AUTS2: variants seen among roughly 807,000 people sequenced by gnomAD.
The protein encoded by AUTS2 is activator of transcription and developmental regulator AUTS2.
AUTS2 carries 17 observed loss-of-function variants against 112.4 expected under a neutral mutation model. That is an observed-to-expected ratio of 0.15 (90% CI 0.10 to 0.23). The LOEUF is 0.23. Ranked by LOEUF, AUTS2 falls within the 10% of genes least tolerant of loss-of-function variation. The pLI is 1.00. For missense variants in AUTS2, 1,510 were observed against 1,701.6 expected, an observed-to-expected ratio of 0.89 and a Z score of 1.98; for synonymous variants, 751 against 702.7, an observed-to-expected ratio of 1.07 and a Z score of -1.09.
At chr7:70,377,329 T>TATATAA (rs1793140157) in intron 4 of AUTS2, among the ~76,000 whole-genome samples, 1 of 21,188 alleles carries the variant, frequency 4.7e-5, no homozygotes, top group Non-Finnish European at 9.3e-5. Flanking sequence ...AATATAAATA[T>TATATAA]ATATATATAT....
intron 1 of AUTS2, among the ~76,000 whole-genome samples, chr7:69,650,011 A>G (rs1000164138): frequency 1.3e-5 from 2 of 152,174 alleles, no homozygotes; most frequent in African/African-American, 4.8e-5. Flanking sequence ...AGCCATCCAA[A>G]CTGGGCCAGT....
At chr7:69,978,943 C>T (rs1798181322) in intron 2 of AUTS2, among the ~76,000 whole-genome samples, 1 of 151,640 alleles carries the variant, frequency 6.6e-6, no homozygotes, top group African/African-American at 2.4e-5. Context: ...CATTACCAGT[C>T]TTCCTGGGAA....
intron 5 of AUTS2, among the ~76,000 whole-genome samples, chr7:70,617,749 T>C (rs1464755944): frequency 1.3e-5 from 2 of 152,140 alleles, no homozygotes; most frequent in Non-Finnish European, 2.9e-5. Flanking sequence ...AGTTAAATGA[T>C]TCACTTGTAA....
chr7:69,733,635 A>G (rs1164121157), intron 1 of AUTS2, among the ~76,000 whole-genome samples: 2 of 152,144 alleles, frequency 1.3e-5, no homozygotes, highest in East Asian at 1.9e-4. Flanking sequence ...ATTTTTTACA[A>G]TGCCTGTGAT....
chr7:69,735,180 A>C (rs563896465), intron 1 of AUTS2, among the ~76,000 whole-genome samples: 4 of 152,324 alleles, frequency 2.6e-5, no homozygotes, highest in South Asian at 2.1e-4. Flanking sequence ...ATGTAGGATA[A>C]TACTACTCCT....
intron 1 of AUTS2, among the ~76,000 whole-genome samples, chr7:69,651,452 G>A (rs1038336033): frequency 6.6e-6 from 1 of 152,194 alleles, no homozygotes; most frequent in African/African-American, 2.4e-5. Flanking sequence ...TTGAACTAGC[G>A]TGTTCTGGGG....
chr7:70,164,728 C>A (rs935725335), intron 4 of AUTS2, among the ~76,000 whole-genome samples: 1 of 152,076 alleles, frequency 6.6e-6, no homozygotes, highest in African/African-American at 2.4e-5. Flanking sequence ...TCAGTCCCCC[C>A]ATGCTAACAG....
At chr7:69,841,160 GGTGTATTAGGCTGTTCTT>G (rs1309903214) in intron 1 of AUTS2, among the ~76,000 whole-genome samples, 1 of 152,134 alleles carries the variant, frequency 6.6e-6, no homozygotes, top group African/African-American at 2.4e-5. Flanking sequence ...AATCTAACCA[GGTGTATTAGGCTGTTCTT>G]GCATGGCTAT....
At chr7:70,216,702 G>C (rs780901111) in intron 4 of AUTS2, among the ~76,000 whole-genome samples, 3 of 152,128 alleles carry the variant, frequency 2.0e-5, no homozygotes, top group Non-Finnish European at 4.4e-5. Flanking sequence ...ACTGGCTTCC[G>C]GAGTCCTCCC....
rs559785637 is a variant in AUTS2, at chr7:70,525,930, A to G, written c.690+90149A>G. On this transcript the variant is annotated intron_variant, in intron 5 of 18. Transcript: ENST00000342771. ...CCCTGGCCGCTGCTCACAGCAGCTC[A>G]TCTTCTGGCGGGAGAGGGTTAGCTC... Among the ~76,000 whole-genome samples, 4 of 152,366 alleles carry G rather than the reference A, an allele frequency of 2.6e-5. No individual in the cohort carries two copies. In the South Asian group the frequency reaches 8.3e-4, roughly 32 times the overall value.
chr7:69,773,138 G>A lies in AUTS2; in HGVS notation c.310-126148G>A, dbSNP rs530112059. 2.0e-5 allele frequency among the ~76,000 whole-genome samples: 3 copies of A among 152,244 alleles called. No individual in the cohort carries two copies. In the South Asian group the frequency reaches 6.2e-4, roughly 32 times the overall value. ...CCGACCTAGTATTTATGAGCTATGTGACCTTGGGAAGTTCATGTAAATGCA... is the reference window on the plus strand; with the variant it reads ...CCGACCTAGTATTTATGAGCTATGTAACCTTGGGAAGTTCATGTAAATGCA... On this transcript the variant is annotated intron_variant, in intron 1 of 18. Coordinates refer to ENST00000342771, the MANE Select transcript of AUTS2 (RefSeq NM_015570.4).
At chr7:70,601,221 T>C (rs1037013627) in intron 5 of AUTS2, among the ~76,000 whole-genome samples, 5 of 152,242 alleles carry the variant, frequency 3.3e-5, no homozygotes, top group Admixed American at 6.5e-5. Flanking sequence ...TTCTAGTGAA[T>C]GTGAAGTGGT....
Position 69,608,671 on chromosome 7 carries a change from T to C in AUTS2, c.309+8709T>C, listed in dbSNP as rs1792864351. 2.0e-5 allele frequency among the ~76,000 whole-genome samples: 3 copies of C among 152,352 alleles called. No homozygotes were observed. The South Asian group carries it at 6.2e-4, about 32-fold the overall frequency. On this transcript the variant is annotated intron_variant, in intron 1 of 18. Transcript: ENST00000342771. ...GAACATTAGATTATTACTTGTTTTC[T>C]AGCCACATGATAGAAATTGCAGTGA...
At chr7:70,371,579 A>T (rs1253630193) in intron 4 of AUTS2, among the ~76,000 whole-genome samples, 1 of 152,210 alleles carries the variant, frequency 6.6e-6, no homozygotes, top group Non-Finnish European at 1.5e-5. Context: ...GTTTTGTCAC[A>T]GAGTTGAGTT....
chr7:70,283,141 C>A (rs1421441287), intron 4 of AUTS2, among the ~76,000 whole-genome samples: 1 of 152,038 alleles, frequency 6.6e-6, no homozygotes, highest in Admixed American at 6.6e-5. Flanking sequence ...TATTAAGATA[C>A]CTGTATTGTC....
At chr7:70,283,583 T>C (rs972000963) in intron 4 of AUTS2, among the ~76,000 whole-genome samples, 2 of 152,236 alleles carry the variant, frequency 1.3e-5, no homozygotes, top group Admixed American at 1.3e-4. Context: ...CATATATACA[T>C]ATGCCACAAG....
chr7:70,069,339 C>T (rs1284048099), intron 2 of AUTS2, among the ~76,000 whole-genome samples: 1 of 152,216 alleles, frequency 6.6e-6, no homozygotes, highest in African/African-American at 2.4e-5. Flanking sequence ...ATTGTAGATA[C>T]TCTCACAGAT....
At chr7:69,834,092 TTGC>T (rs1384865142) in intron 1 of AUTS2, among the ~76,000 whole-genome samples, 1 of 152,134 alleles carries the variant, frequency 6.6e-6, no homozygotes, top group Non-Finnish European at 1.5e-5. Flanking sequence ...TCCTTTACAC[TTGC>T]TTTAACCTGC....
Position 70,753,193 on chromosome 7 carries a change from G to T in AUTS2, c.743-9677G>T, listed in dbSNP as rs570514172. 2.4e-4 allele frequency among the ~76,000 whole-genome samples: 37 copies of T among 152,254 alleles called. 1 individual carries two copies. Among genetic ancestry groups the T allele is most frequent in the African/African-American group, 7.5e-4 (31 of 41,566 alleles). Reference sequence around the variant, plus strand: ...CAAACTAGCTTCTCTGATAACAGCAGCCTCTAATCCACTGGACTCCACACA... The same window carrying T: ...CAAACTAGCTTCTCTGATAACAGCATCCTCTAATCCACTGGACTCCACACA... On this transcript the variant is annotated intron_variant, in intron 6 of 18. Coordinates refer to ENST00000342771, the MANE Select transcript of AUTS2 (RefSeq NM_015570.4).
Sources: allele counts gnomAD v4.1 joint callset (sites outside exome capture counted in the v4.1 genomes callset), GRCh38; gene constraint gnomAD v4.1.1; transcripts MANE v1.5; gene names NCBI Gene and HGNC (gene_info 2026-07-23, HGNC 2026-07-21).